The following NEBL variants were observed in gnomAD, a reference collection of about 807,000 sequenced individuals.
The protein encoded by NEBL is nebulette, also known as LIM and SH3 protein 2.
In NEBL, 122 loss-of-function variants were observed where a neutral mutation model predicts 140.2. The observed-to-expected ratio is 0.87, with a 90% CI of 0.75 to 1.01. The LOEUF (loss-of-function observed/expected upper bound fraction) is 1.01. Among genes scored for constraint, NEBL ranks in the 50% least tolerant of loss-of-function variants. The pLI is 0.00. For synonymous variants in NEBL, 436 were observed against 398.9 expected, an observed-to-expected ratio of 1.09 and a Z score of -1.11; for missense variants, 1,365 against 1,231.3, an observed-to-expected ratio of 1.11 and a Z score of -1.62.
At chr10:20,920,532 G>A (rs901868454) in intron 4 of NEBL, among the ~76,000 whole-genome samples, 2 of 152,182 alleles carry the variant, frequency 1.3e-5, no homozygotes, top group African/African-American at 4.8e-5. Flanking sequence ...AAGTACAAAA[G>A]AGTGTGTACT....
intron 5 of NEBL, among the ~76,000 whole-genome samples, chr10:20,875,224 T>C (rs557119589): frequency 1.3e-5 from 2 of 152,304 alleles, no homozygotes; most frequent in South Asian, 4.1e-4. Context: ...CCCACTTCTG[T>C]TTCATAAGAG....
At position 20,819,417 on chromosome 10, in the gene NEBL, G is replaced by A. The variant is rs368793318; in HGVS notation, c.2055+7C>T. On this transcript the variant is annotated splice_region_variant and intron_variant, in intron 20 of 27. Transcript: ENST00000377122. ...AGAAAATATAAAAGGAAACAGAAAC[G>A]ACTTGCCGCACTCAGCTGCTCCTGG... The A allele has an allele frequency of 1.4e-5, 23 of 1,613,774 alleles. No homozygotes were observed. In the East Asian group the frequency reaches 1.6e-4, roughly 11 times the overall value.
chr10:20,813,106 G>A (rs1838340678), intron 23 of NEBL, among the ~76,000 whole-genome samples, 166 bp from the exon 24 acceptor site: 1 of 151,838 alleles, frequency 6.6e-6, no homozygotes, highest in Non-Finnish European at 1.5e-5. Flanking sequence ...CAGTTTCTTA[G>A]CATCAGAAAT....
intron 2 of NEBL, among the ~76,000 whole-genome samples, chr10:21,059,272 G>A (rs1835173202): frequency 6.6e-6 from 1 of 152,202 alleles, no homozygotes; most frequent in African/African-American, 2.4e-5. Context: ...CACTCCGTAT[G>A]GTCTGCACCA....
At chr10:21,111,882 CAA>C (rs1302174534) in intron 2 of NEBL, among the ~76,000 whole-genome samples, 1 of 151,754 alleles carries the variant, frequency 6.6e-6, no homozygotes, top group Admixed American at 6.6e-5. Flanking sequence ...AGAACTTAAA[CAA>C]ATTTACCAGA....
chr10:20,963,185 C>T (rs1326085956), intron 3 of NEBL, among the ~76,000 whole-genome samples: 1 of 152,110 alleles, frequency 6.6e-6, no homozygotes, highest in Non-Finnish European at 1.5e-5. Flanking sequence ...ATTTTTCTTC[C>T]ACATAAAATG....
At chr10:21,254,103 A>G (rs189582974) in intron 1 of NEBL, among the ~76,000 whole-genome samples, 8 of 152,326 alleles carry the variant, frequency 5.3e-5, no homozygotes, top group Middle Eastern at 3.4e-3. Flanking sequence ...TTCTAATTCA[A>G]TCAGACCCTT....
intron 4 of NEBL, among the ~76,000 whole-genome samples, chr10:20,930,737 C>A (rs549049136): frequency 1.3e-5 from 2 of 152,316 alleles, no homozygotes; most frequent in East Asian, 3.9e-4. Context: ...TAAATGCCAA[C>A]TGGAGAGACA....
intron 4 of NEBL, among the ~76,000 whole-genome samples, chr10:20,911,042 TAGTTCCA>T (rs1400830803): frequency 6.6e-6 from 1 of 151,938 alleles, no homozygotes; most frequent in African/African-American, 2.4e-5. Flanking sequence ...TGTGAGCTTG[TAGTTCCA>T]GCTGCTCGGG....
chr10:21,146,849 T>C (rs1817945478), intron 2 of NEBL, among the ~76,000 whole-genome samples: 1 of 152,228 alleles, frequency 6.6e-6, no homozygotes. Context: ...ATTATTTTCA[T>C]AATCAATTCG....
At chr10:21,252,089 A>G (rs1459389333) in intron 1 of NEBL, among the ~76,000 whole-genome samples, 1 of 152,122 alleles carries the variant, frequency 6.6e-6, no homozygotes, top group Admixed American at 6.5e-5. Flanking sequence ...AACTTCTCCT[A>G]CTTCTCATGT....
intron 26 of NEBL, among the ~76,000 whole-genome samples, chr10:20,795,408 TG>T (rs2131663703): frequency 6.6e-6 from 1 of 152,294 alleles, no homozygotes; most frequent in African/African-American, 2.4e-5. Flanking sequence ...AAAACATCTC[TG>T]GAAGAAATTG....
chr10:20,929,801 G>T (rs969444142), intron 4 of NEBL, among the ~76,000 whole-genome samples: 3 of 152,084 alleles, frequency 2.0e-5, no homozygotes, highest in Non-Finnish European at 4.4e-5. Context: ...TGAGTACAGG[G>T]TATACTAATG....
intron 2 of NEBL, among the ~76,000 whole-genome samples, chr10:21,169,085 T>A (rs868410604): frequency 0.019 from 2,086 of 107,392 alleles, 175 homozygotes; most frequent in East Asian, 0.11. Context: ...TATATATATA[T>A]ATATATATAT....
At chr10:21,209,376 T>C (rs1841880146) in intron 3 of NEBL, among the ~76,000 whole-genome samples, 2 of 152,362 alleles carry the variant, frequency 1.3e-5, no homozygotes, top group African/African-American at 4.8e-5. Context: ...GTATGTCCCA[T>C]GCTGGGTATC....
intron 2 of NEBL, among the ~76,000 whole-genome samples, chr10:21,118,063 G>C (rs1187552002): frequency 6.6e-6 from 1 of 151,956 alleles, no homozygotes; most frequent in East Asian, 1.9e-4. Flanking sequence ...TTCCTCATGT[G>C]CCCACTGAGA....
Position 20,785,704 on chromosome 10 carries a change from T to G in NEBL, c.*43A>C. On this transcript the variant is annotated 3_prime_UTR_variant, in exon 28 of 28. Coordinates refer to ENST00000377122, the MANE Select transcript of NEBL (RefSeq NM_006393.3). ...CTTCTATCTTTTAAAAAGATTAGGT[T>G]TGGGATACATTAGAATAAAGCTCAA... The G allele has an allele frequency of 6.3e-7, 1 of 1,593,132 alleles. No homozygotes were observed. The highest frequency in any genetic ancestry group is 8.6e-7 in the Non-Finnish European group (1 of 1,165,686).
chr10:20,979,996 GTTTAA>G (rs1031611619), intron 3 of NEBL, among the ~76,000 whole-genome samples: 1 of 150,632 alleles, frequency 6.6e-6, no homozygotes, highest in African/African-American at 2.4e-5. Flanking sequence ...ACTGGACACA[GTTTAA>G]TTTAAAATTT....
Position 21,019,542 on chromosome 10 carries a change from C to G in NEBL, c.249+575G>C, listed in dbSNP as rs946771915. Reference sequence around the variant, plus strand: ...TGTCCCTGCAGAAAACGCTGCCACTCACAACCCTAGTCTTAACTGATGTGT... The same window carrying G: ...TGTCCCTGCAGAAAACGCTGCCACTGACAACCCTAGTCTTAACTGATGTGT... On this transcript the variant is annotated intron_variant, in intron 3 of 6. Coordinates refer to the NEBL transcript ENST00000417816. Among the ~76,000 whole-genome samples, 6 of 152,266 alleles carry G rather than the reference C, an allele frequency of 3.9e-5. No individual in the cohort carries two copies. In the East Asian group the frequency reaches 1.2e-3, roughly 29 times the overall value.
Sources: allele counts gnomAD v4.1 joint callset (sites outside exome capture counted in the v4.1 genomes callset), GRCh38; gene constraint gnomAD v4.1.1; transcripts MANE v1.5; gene names NCBI Gene and HGNC (gene_info 2026-07-23, HGNC 2026-07-21).